Variants in STARD13 observed in about 807,000 individuals in gnomAD.
STARD13 encodes stAR-related lipid transfer protein 13.
Under a neutral mutation model 106.4 loss-of-function variants are expected in STARD13, and 62 were observed. The ratio of observed to expected loss-of-function variants is 0.58; its 90% CI spans 0.48 to 0.72. The LOEUF is 0.72. STARD13 is among the 30% of genes least tolerant of loss of function. The pLI is 0.00. For missense variants in STARD13, 1,387 were observed against 1,424.0 expected, an observed-to-expected ratio of 0.97 and a Z score of 0.42; for synonymous variants, 565 against 553.0, an observed-to-expected ratio of 1.02 and a Z score of -0.31.
At chr13:33,417,061 G>C in the STARD13 span, among the ~76,000 whole-genome samples, 2 of 152,118 alleles carry the variant, frequency 1.3e-5, no homozygotes, top group African/African-American at 4.8e-5. Flanking sequence ...CCATAAAGGA[G>C]GAATTGAACA....
chr13:33,300,850 C>T (rs557153468), intron 1 of STARD13, among the ~76,000 whole-genome samples: 1 of 152,296 alleles, frequency 6.6e-6, no homozygotes, highest in South Asian at 2.1e-4. Context: ...TCACAGCCTC[C>T]TTCTTGGTCT....
At chr13:33,595,165 G>A in the STARD13 span, among the ~76,000 whole-genome samples, 1 of 152,142 alleles carries the variant, frequency 6.6e-6, no homozygotes, top group Non-Finnish European at 1.5e-5. Flanking sequence ...TACTTCGGAG[G>A]TAACAGTAAA....
the STARD13 span, among the ~76,000 whole-genome samples, chr13:33,647,834 TC>T: frequency 6.6e-6 from 1 of 152,210 alleles, no homozygotes; most frequent in African/African-American, 2.4e-5. Flanking sequence ...TTTTCATTCC[TC>T]AACATTTACA....
the STARD13 span, among the ~76,000 whole-genome samples, chr13:33,600,144 C>T: frequency 6.6e-6 from 1 of 152,130 alleles, no homozygotes; most frequent in African/African-American, 2.4e-5. Context: ...AAGAAATAAT[C>T]ATACACATCT....
At chr13:33,105,791 C>T in intron 13 of STARD13, 81 bp from the exon 14 acceptor site, 1 of 1,212,758 alleles carries the variant, frequency 8.2e-7, no homozygotes, top group East Asian at 2.3e-5. Flanking sequence ...CAGGGCTGCC[C>T]TTGGGCCCCG....
chr13:33,553,064 T>C, the STARD13 span, among the ~76,000 whole-genome samples: 1 of 152,194 alleles, frequency 6.6e-6, no homozygotes, highest in East Asian at 1.9e-4. Context: ...TTTATTTGTT[T>C]TTAGTATGTA....
the STARD13 span, among the ~76,000 whole-genome samples, chr13:33,496,751 T>C: frequency 6.6e-6 from 1 of 152,130 alleles, no homozygotes; most frequent in South Asian, 2.1e-4. Flanking sequence ...GATGATACAG[T>C]TTATACATAT....
the STARD13 span, among the ~76,000 whole-genome samples, chr13:33,473,968 T>C: frequency 2.2e-4 from 34 of 152,206 alleles, no homozygotes; most frequent in African/African-American, 8.0e-4. Context: ...TTGGACACTC[T>C]TGGGACTTTG....
At chr13:33,275,093 C>T (rs1891355207) in intron 1 of STARD13, among the ~76,000 whole-genome samples, 1 of 152,128 alleles carries the variant, frequency 6.6e-6, no homozygotes, top group African/African-American at 2.4e-5. Context: ...CTGGCCTAAA[C>T]CCACCATTTC....
the STARD13 span, among the ~76,000 whole-genome samples, chr13:33,580,095 A>G: frequency 6.6e-6 from 1 of 152,148 alleles, no homozygotes; most frequent in Non-Finnish European, 1.5e-5. Flanking sequence ...TTATATTTAC[A>G]CAAAAAACTG....
At chr13:33,512,456 TG>T in the STARD13 span, among the ~76,000 whole-genome samples, 1 of 152,128 alleles carries the variant, frequency 6.6e-6, no homozygotes, top group Non-Finnish European at 1.5e-5. Context: ...AAATTTACTA[TG>T]TTTTTTCACT....
At chr13:33,446,740 T>C in the STARD13 span, among the ~76,000 whole-genome samples, 1 of 152,196 alleles carries the variant, frequency 6.6e-6, no homozygotes. Flanking sequence ...TTTAATCTAA[T>C]GCAAAAACAC....
At chr13:33,352,282 G>A (rs867580873), upstream of STARD13, among the ~76,000 whole-genome samples, 3 of 152,206 alleles carry the variant, frequency 2.0e-5, no homozygotes, top group African/African-American at 7.2e-5. Context: ...GACTCCTGTT[G>A]TCTTAAAGTG....
At chr13:33,669,750 G>C in the STARD13 span, among the ~76,000 whole-genome samples, 1 of 151,750 alleles carries the variant, frequency 6.6e-6, no homozygotes, top group Non-Finnish European at 1.5e-5. Context: ...TGGCTAGGCT[G>C]ATCTTGAACT....
At chr13:33,484,039 T>C in the STARD13 span, among the ~76,000 whole-genome samples, 2 of 152,174 alleles carry the variant, frequency 1.3e-5, no homozygotes, top group Non-Finnish European at 2.9e-5. Context: ...TTGCATAAAA[T>C]TAGGATGTGG....
rs548640697 is a variant in STARD13 at position 33,118,514 on chromosome 13, G to A, written c.2083-251C>T. 7.9e-5 allele frequency among the ~76,000 whole-genome samples: 12 copies of A among 152,262 alleles called. No individual in the cohort carries two copies. The South Asian group carries it at 1.5e-3, about 18-fold the overall frequency. Reference sequence around the variant, plus strand: ...GGAAATAGATGTGCATGTGCTTTGCGACCTGTTACATCTTATCACACTGCA... The same window carrying A: ...GGAAATAGATGTGCATGTGCTTTGCAACCTGTTACATCTTATCACACTGCA... On this transcript the variant is annotated intron_variant, in intron 7 of 13. Transcript: ENST00000336934.
At chr13:33,301,199 A>G (rs1435946089) in intron 1 of STARD13, among the ~76,000 whole-genome samples, 1 of 152,262 alleles carries the variant, frequency 6.6e-6, no homozygotes, top group Admixed American at 6.5e-5. Context: ...GGAATGGACA[A>G]TAAACTTTGA....
intron 8 of STARD13, 177 bp from the exon 9 acceptor site, chr13:33,113,108 C>A (rs73461985): frequency 0.011 from 6,124 of 557,380 alleles, 287 homozygotes; most frequent in African/African-American, 0.1. Context: ...GGCCTCGCAG[C>A]TCATGGGAGG....
At chr13:33,207,679 G>A (rs1396376239) in intron 1 of STARD13, among the ~76,000 whole-genome samples, 1 of 152,162 alleles carries the variant, frequency 6.6e-6, no homozygotes, top group African/African-American at 2.4e-5. Context: ...GTCATTCTGT[G>A]ACAATGAACT....
Sources: gnomAD v4.1 joint callset for allele counts (sites outside exome capture counted in the v4.1 genomes callset) on GRCh38, gnomAD v4.1.1 for gene constraint, MANE v1.5 for transcripts, NCBI Gene and HGNC (gene_info 2026-07-23, HGNC 2026-07-21) for gene names.